Variants in CENPP observed in about 807,000 individuals in gnomAD.
CENPP encodes centromere protein P.
CENPP carries 24 observed loss-of-function variants against 35.6 expected under a neutral mutation model. The observed-to-expected ratio is 0.67, with a 90% CI of 0.49 to 0.95. The LOEUF is 0.95. CENPP is among the 40% of genes least tolerant of loss of function. CENPP has a pLI of 0.00. For synonymous variants in CENPP, 120 were observed against 125.5 expected, an observed-to-expected ratio of 0.96 and a Z score of 0.29; for missense variants, 332 against 345.3, an observed-to-expected ratio of 0.96 and a Z score of 0.31.
At chr9:92,578,011 C>A (rs1371708778) in intron 5 of CENPP, among the ~76,000 whole-genome samples, 2 of 141,690 alleles carry the variant, frequency 1.4e-5, no homozygotes, top group Admixed American at 7.8e-5. Context: ...CATGTGTTCT[C>A]ATTGTTCAGT....
intron 5 of CENPP, among the ~76,000 whole-genome samples, chr9:92,401,367 G>A (rs944349004): frequency 1.1e-4 from 16 of 152,078 alleles, no homozygotes; most frequent in Admixed American, 4.6e-4. Context: ...TTTTTAGCTT[G>A]TTTTTATTCT....
At chr9:92,451,311 A>G (rs1295515129) in intron 5 of CENPP, among the ~76,000 whole-genome samples, 1 of 147,710 alleles carries the variant, frequency 6.8e-6, no homozygotes, top group African/African-American at 2.6e-5. Context: ...AGCTTTCTGC[A>G]TATGGCTAGC....
At chr9:92,609,284 C>A (rs1851169798) in intron 5 of CENPP, among the ~76,000 whole-genome samples, 1 of 152,254 alleles carries the variant, frequency 6.6e-6, no homozygotes, top group South Asian at 2.1e-4. Context: ...CTGGCAAGAG[C>A]TCAGCGATGC....
chr9:92,385,420 A>G (rs1842378909), intron 5 of CENPP: 1 of 507,104 alleles, frequency 2.0e-6, no homozygotes, highest in African/African-American at 1.9e-5. Flanking sequence ...TTTTCATATT[A>G]CTTTGTTTCG....
At chr9:92,568,999 A>G (rs1850067159) in intron 5 of CENPP, among the ~76,000 whole-genome samples, 1 of 152,126 alleles carries the variant, frequency 6.6e-6, no homozygotes, top group Non-Finnish European at 1.5e-5. Flanking sequence ...TCAGATGGGT[A>G]GATTGTAAAA....
chr9:92,333,631 G>A (rs1840826987), intron 2 of CENPP, among the ~76,000 whole-genome samples: 1 of 152,210 alleles, frequency 6.6e-6, no homozygotes. Context: ...AGTTATAGGA[G>A]TTTCTTGAAA....
chr9:92,490,826 T>C (rs1418437748), intron 5 of CENPP, among the ~76,000 whole-genome samples: 1 of 152,234 alleles, frequency 6.6e-6, no homozygotes, highest in African/African-American at 2.4e-5. Flanking sequence ...ATAACATAAA[T>C]GATTCCCTTT....
intron 5 of CENPP, among the ~76,000 whole-genome samples, chr9:92,434,912 C>T (rs1343896407): frequency 2.6e-5 from 4 of 151,776 alleles, no homozygotes; most frequent in African/African-American, 7.3e-5. Flanking sequence ...TTTAGTGGGG[C>T]GTGGTGGTGC....
At chr9:92,431,303 A>G (rs897231709) in intron 5 of CENPP, among the ~76,000 whole-genome samples, 1 of 152,152 alleles carries the variant, frequency 6.6e-6, no homozygotes, top group African/African-American at 2.4e-5. Context: ...TCAACGTTAT[A>G]TTATTTCCCT....
rs1851566806 is a variant in CENPP, at chr9:92,619,757, G to A, written c.*6608G>A. 2 of 608,370 alleles carry A rather than the reference G, an allele frequency of 3.3e-6. No individual in the cohort carries two copies. The highest frequency in any genetic ancestry group is 2.8e-5 in the East Asian group (1 of 35,534). 37.7% of individuals were successfully genotyped at this position (608,370 alleles called of 1,614,324 possible). ...GTGAGAGCACCTGGGCCAGCCCTCA[G>A]TGCCACGGGGCTGCTCAGAGGCCAG... On this transcript the variant is annotated 3_prime_UTR_variant, in exon 8 of 8. Coordinates refer to ENST00000375587, the MANE Select transcript of CENPP (RefSeq NM_001012267.3).
intron 3 of CENPP, among the ~76,000 whole-genome samples, chr9:92,343,962 CAAAAAAAAAAAA>C (rs35920973): frequency 1.6e-5 from 1 of 60,988 alleles, no homozygotes; most frequent in African/African-American, 6.6e-5. Flanking sequence ...AACCCTGTCT[CAAAAAAAAAAAA>C]AAAAAAAAAA....
intron 5 of CENPP, among the ~76,000 whole-genome samples, chr9:92,550,853 C>T (rs185886189): frequency 1.3e-5 from 2 of 152,230 alleles, no homozygotes; most frequent in Admixed American, 6.5e-5. Context: ...AACATGGTGG[C>T]TCAGGAAGGA....
At chr9:92,391,324 A>G (rs1055246054) in intron 5 of CENPP, among the ~76,000 whole-genome samples, 1 of 151,888 alleles carries the variant, frequency 6.6e-6, no homozygotes, top group African/African-American at 2.4e-5. Flanking sequence ...GGAGAATGGC[A>G]TGAACCTGGG....
chr9:92,606,019 T>C lies in CENPP; in HGVS notation c.565-5295T>C, dbSNP rs1851070518. ...GCTCACACCTGTAATCCCAGCACTATGAAGGCCGAGGCAGGCAGATCCCTT... is the reference window on the plus strand; with the variant it reads ...GCTCACACCTGTAATCCCAGCACTACGAAGGCCGAGGCAGGCAGATCCCTT... On this transcript the variant is annotated intron_variant, in intron 5 of 7. Coordinates refer to ENST00000375587, the MANE Select transcript of CENPP (RefSeq NM_001012267.3). 2.6e-5 allele frequency among the ~76,000 whole-genome samples: 4 copies of C among 152,128 alleles called. No individual in the cohort carries two copies. In the South Asian group the frequency reaches 8.3e-4, roughly 31 times the overall value.
chr9:92,382,984 C>T (rs868643864), intron 5 of CENPP, among the ~76,000 whole-genome samples: 10 of 150,456 alleles, frequency 6.6e-5, no homozygotes, highest in Admixed American at 1.3e-4. Context: ...CTGCAACCTC[C>T]GCCTCCTGGT....
intron 5 of CENPP, among the ~76,000 whole-genome samples, chr9:92,402,752 A>G (rs538039846): frequency 3.3e-5 from 5 of 152,332 alleles, no homozygotes; most frequent in East Asian, 3.9e-4. Context: ...TGTAGATGGC[A>G]TATATAAATT....
At chr9:92,611,805 C>T (rs548876506) in intron 6 of CENPP, among the ~76,000 whole-genome samples, 1 of 152,208 alleles carries the variant, frequency 6.6e-6, no homozygotes, top group Non-Finnish European at 1.5e-5. Context: ...CCAGCCCCGG[C>T]GCCACCCTGG....
chr9:92,554,976 G>A (rs1453362832), intron 5 of CENPP, among the ~76,000 whole-genome samples: 1 of 151,830 alleles, frequency 6.6e-6, no homozygotes, highest in Admixed American at 6.6e-5. Flanking sequence ...TAGTATCTAT[G>A]TCCATCAAGG....
intron 5 of CENPP, among the ~76,000 whole-genome samples, chr9:92,397,545 G>C (rs1842939940): frequency 6.6e-6 from 1 of 152,130 alleles, no homozygotes; most frequent in Non-Finnish European, 1.5e-5. Context: ...GGCCAGGCTT[G>C]TCTCAAATTC....
Sources: allele counts gnomAD v4.1 joint callset (sites outside exome capture counted in the v4.1 genomes callset), GRCh38; gene constraint gnomAD v4.1.1; transcripts MANE v1.5; gene names NCBI Gene and HGNC (gene_info 2026-07-23, HGNC 2026-07-21).